AK5: variants seen among roughly 807,000 people sequenced by gnomAD.
The protein encoded by AK5 is adenylate kinase 5.
A neutral mutation model predicts 69.5 loss-of-function variants in AK5; 27 were observed. The observed-to-expected ratio is 0.39, with a 90% CI of 0.29 to 0.54. The LOEUF is 0.54. Ranked by LOEUF, AK5 falls within the 20% of genes least tolerant of loss-of-function variation. AK5 has a pLI of 0.71. For missense variants in AK5, 531 were observed against 700.4 expected, an observed-to-expected ratio of 0.76 and a Z score of 2.73; for synonymous variants, 260 against 244.4, an observed-to-expected ratio of 1.06 and a Z score of -0.60.
At chr1:77,454,431 A>G (rs1653349753) in intron 8 of AK5, among the ~76,000 whole-genome samples, 1 of 152,200 alleles carries the variant, frequency 6.6e-6, no homozygotes, top group Non-Finnish European at 1.5e-5. Context: ...AGAAAAAGAT[A>G]TGGTTACTTT....
chr1:77,419,700 A>G (rs914324870), intron 8 of AK5, among the ~76,000 whole-genome samples: 9 of 152,230 alleles, frequency 5.9e-5, no homozygotes, highest in Admixed American at 5.2e-4. Flanking sequence ...CTTAGGAGAC[A>G]TTGAGGATAG....
chr1:77,527,934 C>A (rs1658381221), intron 12 of AK5, among the ~76,000 whole-genome samples: 2 of 152,230 alleles, frequency 1.3e-5, no homozygotes, highest in Admixed American at 1.3e-4. Flanking sequence ...TGGCACATGC[C>A]TGTAATCCCA....
At chr1:77,314,826 A>C (rs1466267124) in intron 5 of AK5, 1 of 152,160 alleles carries the variant, frequency 6.6e-6, no homozygotes, top group Non-Finnish European at 1.5e-5. Context: ...GAACACCTGT[A>C]AGGTCCATAG....
At chr1:77,325,096 A>G (rs1570381155) in intron 5 of AK5, among the ~76,000 whole-genome samples, 1 of 147,638 alleles carries the variant, frequency 6.8e-6, no homozygotes, top group Non-Finnish European at 1.5e-5. Context: ...TCCTGCCTCA[A>G]CCTCCTGAGT....
Position 77,329,211 on chromosome 1 carries a change from CT to C in AK5, c.700-11156del, listed in dbSNP as rs147418037. ...CCCTCAGTGAAAAAAAAAAAAAAAG[CT>C]TTTTTTTTTCATTTTCATGGTTAAT... On this transcript the variant is annotated intron_variant, in intron 5 of 13. Transcript: ENST00000354567. 2.5e-3 allele frequency among the ~76,000 whole-genome samples: 334 copies of C among 135,856 alleles called. 2 individuals carry two copies. The highest frequency in any genetic ancestry group is 8.3e-3 in the African/African-American group (304 of 36,626). The allele number at this position is 135,856 out of a possible 152,430, so 89.1% of individuals were successfully genotyped here. A position where few individuals can be genotyped will look rare whatever the true frequency, so the allele number is the denominator to read the frequency against.
chr1:77,336,143 G>A (rs949459634), intron 5 of AK5, among the ~76,000 whole-genome samples: 16 of 148,018 alleles, frequency 1.1e-4, no homozygotes, highest in African/African-American at 2.7e-4. Context: ...GTGCAGTGGC[G>A]CGATCTCATC....
intron 8 of AK5, among the ~76,000 whole-genome samples, chr1:77,446,570 T>C (rs1164511457): frequency 2.6e-5 from 4 of 152,236 alleles, no homozygotes; most frequent in Admixed American, 2.6e-4. Flanking sequence ...CACTTATTTG[T>C]ATCCTTTTAA....
At chr1:77,318,966 T>A (rs1250316574) in intron 5 of AK5, among the ~76,000 whole-genome samples, 2 of 152,060 alleles carry the variant, frequency 1.3e-5, no homozygotes, top group Non-Finnish European at 2.9e-5. Flanking sequence ...TTAATAAAGG[T>A]GTGCATAGGA....
intron 8 of AK5, among the ~76,000 whole-genome samples, chr1:77,429,132 G>T (rs1052818338): frequency 2.0e-5 from 3 of 152,152 alleles, no homozygotes; most frequent in African/African-American, 7.2e-5. Flanking sequence ...TGGGATGGCT[G>T]GGTCAAATGG....
Position 77,297,736 on chromosome 1 carries a change from T to C in AK5, c.585+8T>C, listed in dbSNP as rs971014552. 30 of 1,608,580 alleles carry C rather than the reference T, an allele frequency of 1.9e-5. No homozygotes were observed. Among genetic ancestry groups the C allele is most frequent in the Non-Finnish European group, 2.4e-5 (28 of 1,178,332 alleles). The stretch of plus-strand genomic sequence containing the variant: ...GGAGAATTGGCCCCACAGGTACTGC[T>C]GTATAATTATCTTTTATTCTGCAAA... On this transcript the variant is annotated splice_region_variant and intron_variant, in intron 4 of 13. Transcript: ENST00000354567.
chr1:77,490,241 C>G, intron 10 of AK5, among the ~76,000 whole-genome samples: 1 of 152,296 alleles, frequency 6.6e-6, no homozygotes, highest in South Asian at 2.1e-4. Flanking sequence ...ATCAGATGCT[C>G]CTTTCTCCAT....
At chr1:77,410,390 G>A (rs1030457936) in intron 6 of AK5, among the ~76,000 whole-genome samples, 3 of 151,940 alleles carry the variant, frequency 2.0e-5, no homozygotes, top group Non-Finnish European at 2.9e-5. Flanking sequence ...TGATTCTCGT[G>A]CCTCAGCCTC....
intron 8 of AK5, among the ~76,000 whole-genome samples, chr1:77,431,133 G>A (rs1316311406): frequency 6.6e-6 from 1 of 152,146 alleles, no homozygotes; most frequent in East Asian, 1.9e-4. Flanking sequence ...GACTTCCAGA[G>A]GCAAAGCCAT....
In AK5 at chr1:77,518,600, A is replaced by G. The variant is rs1657800745; in HGVS notation, c.1184A>G (p.Lys395Arg). 6.2e-7 allele frequency: 1 copy of G among 1,614,100 alleles called. No homozygotes were observed. Among genetic ancestry groups the G allele is most frequent in the Non-Finnish European group, 8.5e-7 (1 of 1,180,026 alleles). Reference protein sequence around the residue: ...PGSGKGTQCEKLVEKYGFTHL... With the variant: ...PGSGKGTQCERLVEKYGFTHL... ...TCTGGCAAAGGCACACAGTGTGAAA[A>G]GCTGGTGGAAAAATATGGATTTACA... The change falls in exon 11 of 14, where the codon AAG (lysine) becomes AGG (arginine). Residue 395 changes from lysine to arginine, a missense_variant. By Grantham distance (26) the Lys-to-Arg change is conservative. Transcript: ENST00000354567.
intron 10 of AK5, among the ~76,000 whole-genome samples, chr1:77,501,306 C>T (rs1656704057): frequency 6.6e-6 from 1 of 152,186 alleles, no homozygotes; most frequent in South Asian, 2.1e-4. Flanking sequence ...CAAGGAAACA[C>T]CAGGAGGACA....
At chr1:77,437,477 C>T (rs1056092917) in intron 8 of AK5, among the ~76,000 whole-genome samples, 1 of 152,124 alleles carries the variant, frequency 6.6e-6, no homozygotes, top group Non-Finnish European at 1.5e-5. Flanking sequence ...GGGACCTGTT[C>T]ACATGGCTAA....
At chr1:77,325,692 GT>G (rs2100338477) in intron 5 of AK5, among the ~76,000 whole-genome samples, 1 of 151,708 alleles carries the variant, frequency 6.6e-6, no homozygotes, top group African/African-American at 2.4e-5. Context: ...AATATTTTAT[GT>G]GTCTGCTTCT....
At chr1:77,284,246 G>A (rs916418730) in intron 1 of AK5, among the ~76,000 whole-genome samples, 4 of 152,142 alleles carry the variant, frequency 2.6e-5, no homozygotes, top group Admixed American at 1.3e-4. Context: ...CAAGAGGGAA[G>A]GAAAATCTGG....
Position 77,417,682 on chromosome 1 carries a change from G to A in AK5, c.1026G>A (p.Glu342=). The A allele has an allele frequency of 6.2e-7, 1 of 1,608,690 alleles. No individual in the cohort carries two copies. Among genetic ancestry groups the A allele is most frequent in the Non-Finnish European group, 8.5e-7 (1 of 1,176,282 alleles). The change falls in exon 8 of 14, where the codon GAG becomes GAA. Residue 342 remains glutamate, a synonymous_variant. Transcript: ENST00000354567. ...LDPSMILDTG[E]IIDTGSDYED... is the part of the protein sequence containing the mutation. Reference sequence around the variant, plus strand: ...CTTCGATGATATTGGACACTGGAGAGATCATTGATACAGGATCTGATTATG... The same window carrying A: ...CTTCGATGATATTGGACACTGGAGAAATCATTGATACAGGATCTGATTATG...
Sources: allele counts gnomAD v4.1 joint callset (sites outside exome capture counted in the v4.1 genomes callset), GRCh38; gene constraint gnomAD v4.1.1; transcripts MANE v1.5; gene names NCBI Gene and HGNC (gene_info 2026-07-23, HGNC 2026-07-21).